The following RALGAPA2 variants were observed in gnomAD, a reference collection of about 807,000 sequenced individuals.
The protein encoded by RALGAPA2 is Ral GTPase activating protein catalytic subunit alpha 2.
Under a neutral mutation model 230.4 loss-of-function variants are expected in RALGAPA2, and 139 were observed. The ratio of observed to expected loss-of-function variants is 0.60; its 90% CI spans 0.53 to 0.69. The LOEUF (loss-of-function observed/expected upper bound fraction) is 0.69, where lower values mean the gene tolerates loss of function less well. Among genes scored for constraint, RALGAPA2 ranks in the 30% least tolerant of loss-of-function variants. The pLI is 0.00. For missense variants in RALGAPA2, 2,163 were observed against 2,276.0 expected (o/e 0.95, Z 1.01); for synonymous variants, 847 against 837.8 (o/e 1.01, Z -0.19).
At chr20:20,522,276 T>C (rs1302049538) in intron 30 of RALGAPA2, among the ~76,000 whole-genome samples, 1 of 151,796 alleles carries the variant, frequency 6.6e-6, no homozygotes, top group East Asian at 1.9e-4. Context: ...ACCTTGAATA[T>C]TCACATTTTA....
At chr20:20,599,392 A>G (rs886873195) in intron 16 of RALGAPA2, among the ~76,000 whole-genome samples, 7 of 152,224 alleles carry the variant, frequency 4.6e-5, no homozygotes, top group African/African-American at 1.7e-4. Flanking sequence ...TATTAAATCC[A>G]TACATCTTAA....
rs1286238225 is a variant in RALGAPA2 at position 20,605,285 on chromosome 20, A to C, written c.1928T>G (p.Ile643Ser). 3 of 1,613,688 alleles carry C rather than the reference A, an allele frequency of 1.9e-6. No individual in the cohort carries two copies. The highest frequency in any genetic ancestry group is 2.5e-6 in the Non-Finnish European group (3 of 1,179,826). Residue 643 changes from isoleucine (I) to serine (S), a missense_variant, in exon 15 of 40, where the codon ATT (isoleucine) becomes AGT (serine). Ile to Ser is a moderately radical substitution (Grantham distance 142). Coordinates refer to ENST00000202677, the MANE Select transcript of RALGAPA2 (RefSeq NM_020343.4). ...AAGCACTGCTGTCAAGGAGTCCATAATGTTGGCCCACTCGTTTATAAGTTC... is the reference window on the plus strand; with the variant it reads ...AAGCACTGCTGTCAAGGAGTCCATACTGTTGGCCCACTCGTTTATAAGTTC... ...WEELINEWAN[I>S]MDSLTAVLAR...
intron 7 of RALGAPA2, among the ~76,000 whole-genome samples, chr20:20,639,534 A>C (rs1454444938): frequency 6.6e-6 from 1 of 152,082 alleles, no homozygotes; most frequent in South Asian, 2.1e-4. Context: ...GCAAGCATAG[A>C]GATTAGGGGT....
intron 3 of RALGAPA2, among the ~76,000 whole-genome samples, chr20:20,664,244 A>T (rs746127120): frequency 1.3e-5 from 2 of 152,226 alleles, no homozygotes; most frequent in Non-Finnish European, 2.9e-5. Context: ...TGTGATATTC[A>T]AAATGTTTTT....
At chr20:20,700,034 A>G (rs2069282774) in intron 1 of RALGAPA2, among the ~76,000 whole-genome samples, 1 of 152,192 alleles carries the variant, frequency 6.6e-6, no homozygotes. Context: ...GCGATTCACA[A>G]CAGAAAAACA....
chr20:20,669,527 T>G (rs1407656435), intron 3 of RALGAPA2, among the ~76,000 whole-genome samples: 1 of 152,190 alleles, frequency 6.6e-6, no homozygotes, highest in Non-Finnish European at 1.5e-5. Context: ...AGGGGCCAGG[T>G]GCTGGACAAC....
chr20:20,632,787 C>G (rs2066720562), intron 9 of RALGAPA2, among the ~76,000 whole-genome samples: 1 of 152,048 alleles, frequency 6.6e-6, no homozygotes, highest in Admixed American at 6.6e-5. Context: ...TATGAGCTGC[C>G]CTTTCATCTC....
At chr20:20,585,824 G>T (rs1422718839) in intron 18 of RALGAPA2, among the ~76,000 whole-genome samples, 1 of 152,064 alleles carries the variant, frequency 6.6e-6, no homozygotes, top group African/African-American at 2.4e-5. Context: ...AGCTGCCAGT[G>T]GGCCTTGAAC....
At chr20:20,492,135 C>T (rs565600487) in intron 36 of RALGAPA2, among the ~76,000 whole-genome samples, 94 of 152,024 alleles carry the variant, frequency 6.2e-4, no homozygotes, top group Admixed American at 4.1e-3. Context: ...TTAATGAGGC[C>T]GAGTGAATGA....
intron 16 of RALGAPA2, among the ~76,000 whole-genome samples, chr20:20,591,994 G>A (rs1374589026): frequency 6.6e-6 from 1 of 152,094 alleles, no homozygotes; most frequent in Middle Eastern, 3.2e-3. Flanking sequence ...GTTCCCCCCA[G>A]CTCATTTCTA....
intron 12 of RALGAPA2, among the ~76,000 whole-genome samples, chr20:20,618,018 A>T (rs928989602): frequency 1.3e-5 from 2 of 152,216 alleles, no homozygotes; most frequent in South Asian, 2.1e-4. Context: ...TAAGCAAGAT[A>T]TAAAAAAATT....
intron 20 of RALGAPA2, among the ~76,000 whole-genome samples, chr20:20,574,242 A>G (rs1197330822): frequency 1.3e-5 from 2 of 152,200 alleles, no homozygotes; most frequent in East Asian, 1.9e-4. Context: ...ACTTGAAGAC[A>G]ATGTGCAAAT....
intron 37 of RALGAPA2, among the ~76,000 whole-genome samples, chr20:20,468,948 T>G (rs143218169): frequency 6.6e-6 from 1 of 150,428 alleles, no homozygotes; most frequent in African/African-American, 2.5e-5. Context: ...ATCCTGTGTG[T>G]GTGTGTGTGT....
intron 23 of RALGAPA2, among the ~76,000 whole-genome samples, chr20:20,561,577 G>C (rs1252601260): frequency 2.0e-5 from 3 of 152,178 alleles, no homozygotes; most frequent in Non-Finnish European, 4.4e-5. Context: ...AGAGAATTTA[G>C]TAAGCTGAAC....
At chr20:20,645,172 T>C (rs1302320751) in intron 4 of RALGAPA2, among the ~76,000 whole-genome samples, 2 of 136,694 alleles carry the variant, frequency 1.5e-5, no homozygotes, top group African/African-American at 5.4e-5. Context: ...TGGAGTGCAG[T>C]GGTACGATCT....
At chr20:20,532,489 T>C (rs1217047907) in intron 26 of RALGAPA2, among the ~76,000 whole-genome samples, 1 of 152,092 alleles carries the variant, frequency 6.6e-6, no homozygotes, top group African/African-American at 2.4e-5. Context: ...TCTCTAAATT[T>C]CTGAACTGAA....
chr20:20,400,976 C>T (rs1337386634), intron 38 of RALGAPA2, among the ~76,000 whole-genome samples: 1 of 152,096 alleles, frequency 6.6e-6, no homozygotes, highest in Non-Finnish European at 1.5e-5. Context: ...CCAGAATGGG[C>T]AGGTCCATAG....
chr20:20,636,295 T>C (rs1312380827), intron 8 of RALGAPA2, among the ~76,000 whole-genome samples: 1 of 152,208 alleles, frequency 6.6e-6, no homozygotes, highest in African/African-American at 2.4e-5. Context: ...ACTCTCTATC[T>C]TAATAATTTT....
chr20:20,440,324 G>A (rs756939016), intron 37 of RALGAPA2, among the ~76,000 whole-genome samples: 4 of 152,182 alleles, frequency 2.6e-5, no homozygotes, highest in Non-Finnish European at 5.9e-5. Context: ...TTCAAAACAG[G>A]AAGCATAATA....
Sources: gnomAD v4.1 joint callset for allele counts (sites outside exome capture counted in the v4.1 genomes callset) on GRCh38, gnomAD v4.1.1 for gene constraint, MANE v1.5 for transcripts, NCBI Gene and HGNC (gene_info 2026-07-23, HGNC 2026-07-21) for gene names.